Variants in LRRTM3 observed in about 807,000 individuals in gnomAD.
LRRTM3 encodes the protein leucine-rich repeat transmembrane neuronal protein 3.
A neutral mutation model predicts 44.7 loss-of-function variants in LRRTM3; 24 were observed. The observed-to-expected ratio is 0.54, with a 90% CI of 0.39 to 0.76. LRRTM3 has a LOEUF of 0.76. LRRTM3 is among the 30% of genes least tolerant of loss of function. The probability of loss-of-function intolerance (pLI) is 0.00; values close to 1 mark genes in which losing one functional copy is unlikely to be tolerated. For synonymous variants in LRRTM3, 277 were observed against 278.7 expected (o/e 0.99, Z 0.06); for missense variants, 587 against 702.2 (o/e 0.84, Z 1.85).
At position 67,099,855 on chromosome 10, in the gene LRRTM3, T is replaced by C. The variant is rs1169201772; in HGVS notation, c.*2059T>C. 1 of 151,810 alleles carries C rather than the reference T, an allele frequency of 6.6e-6. No individual in the cohort carries two copies. The highest frequency in any genetic ancestry group is 6.6e-5 in the Admixed American group (1 of 15,190). 9.4% of individuals were successfully genotyped at this position (151,810 alleles called of 1,614,324 possible). ...ATTTCCTTGCAATGTATTATTCTTA[T>C]TCTTAATTCTCTACATTGAAATTTG... On this transcript the variant is annotated 3_prime_UTR_variant, in exon 3 of 3. Transcript: ENST00000361320.
chr10:67,060,561 T>C (rs932063915), intron 2 of LRRTM3, among the ~76,000 whole-genome samples: 2 of 152,184 alleles, frequency 1.3e-5, no homozygotes, highest in African/African-American at 4.8e-5. Context: ...GATAACACAT[T>C]CTAGTTCATG....
intron 2 of LRRTM3, among the ~76,000 whole-genome samples, chr10:67,022,333 C>G (rs1564837339): frequency 6.6e-6 from 1 of 151,400 alleles, no homozygotes; most frequent in Non-Finnish European, 1.5e-5. Context: ...ACACATGCCT[C>G]TGTGTGTGTG....
chr10:66,939,379 T>C (rs1377703017), intron 2 of LRRTM3, among the ~76,000 whole-genome samples: 2 of 152,122 alleles, frequency 1.3e-5, no homozygotes, highest in Non-Finnish European at 2.9e-5. Context: ...TCCATACAAC[T>C]TGGATATATG....
chr10:66,998,643 A>G (rs1294011286), intron 2 of LRRTM3, among the ~76,000 whole-genome samples: 1 of 152,216 alleles, frequency 6.6e-6, no homozygotes, highest in African/African-American at 2.4e-5. Flanking sequence ...ACAATAAAGA[A>G]GGAATCAGCA....
intron 2 of LRRTM3, among the ~76,000 whole-genome samples, chr10:67,027,324 C>G (rs2133096214): frequency 2.0e-5 from 3 of 152,164 alleles, no homozygotes; most frequent in Admixed American, 2.0e-4. Flanking sequence ...ATCTGACATT[C>G]AACTGACATT....
intron 2 of LRRTM3, among the ~76,000 whole-genome samples, chr10:67,037,738 G>A (rs1479129618): frequency 6.6e-6 from 1 of 152,170 alleles, no homozygotes; most frequent in African/African-American, 2.4e-5. Flanking sequence ...GGTGTGAGAG[G>A]AGGAGGAATC....
rs1858178028 is a variant in LRRTM3, at chr10:67,099,043, A to T, written c.*1247A>T. The stretch of plus-strand genomic sequence containing the variant: ...ATGAGCCATGGTGGAGAACTTTATC[A>T]CTCAAGTAGACGGTAAACATCCTTA... On this transcript the variant is annotated 3_prime_UTR_variant, in exon 3 of 3. Transcript: ENST00000361320. 6.6e-6 allele frequency: 1 copy of T among 151,834 alleles called. No individual in the cohort carries two copies. The highest frequency in any genetic ancestry group is 2.4e-5 in the African/African-American group (1 of 41,398). The allele number at this position is 151,834 out of a possible 1,614,324, so 9.4% of individuals were successfully genotyped here.
At chr10:67,006,715 A>G (rs537226376) in intron 2 of LRRTM3, among the ~76,000 whole-genome samples, 10 of 152,310 alleles carry the variant, frequency 6.6e-5, no homozygotes, top group Middle Eastern at 3.4e-3. Context: ...TAATGGTGAA[A>G]TATTTAAAAT....
At chr10:67,020,420 G>A (rs984899175) in intron 2 of LRRTM3, among the ~76,000 whole-genome samples, 1 of 152,108 alleles carries the variant, frequency 6.6e-6, no homozygotes, top group African/African-American at 2.4e-5. Context: ...GATGGCAGCA[G>A]GGATATTGTA....
In LRRTM3 at chr10:67,101,168, A is replaced by G. The variant is rs1858314865; in HGVS notation, c.*3372A>G. Among the ~76,000 whole-genome samples the G allele has an allele frequency of 1.3e-5, 2 of 151,724 alleles. No homozygotes were observed. The highest frequency in any genetic ancestry group is 4.1e-4 in the South Asian group (2 of 4,834). On this transcript the variant is annotated 3_prime_UTR_variant, in exon 3 of 3. Coordinates refer to ENST00000361320, the MANE Select transcript of LRRTM3 (RefSeq NM_178011.5). ...CAGAACAGATGCTCCCAAGATGTGG[A>G]TGCATGTAGGCCCCGAGGTACAGAC...
intron 2 of LRRTM3, among the ~76,000 whole-genome samples, chr10:67,096,971 T>C (rs1858028833): frequency 6.6e-6 from 1 of 151,946 alleles, no homozygotes; most frequent in African/African-American, 2.4e-5. Flanking sequence ...TGGGTAAGAA[T>C]AGCCAGAATG....
intron 2 of LRRTM3, among the ~76,000 whole-genome samples, chr10:67,089,306 AG>A (rs749591960): frequency 1.3e-5 from 2 of 152,102 alleles, no homozygotes; most frequent in Non-Finnish European, 2.9e-5. Context: ...TTCAAATGTT[AG>A]GTGTTTAAAT....
At chr10:67,018,074 T>G (rs964686630) in intron 2 of LRRTM3, among the ~76,000 whole-genome samples, 62 of 152,238 alleles carry the variant, frequency 4.1e-4, no homozygotes, top group Non-Finnish European at 7.4e-4. Context: ...GCCTGGCCTG[T>G]GGATATATAT....
intron 2 of LRRTM3, among the ~76,000 whole-genome samples, chr10:67,079,956 G>A (rs2619656): frequency 0.55 from 83,190 of 151,292 alleles, 24,087 homozygotes; most frequent in African/African-American, 0.74. Flanking sequence ...GTCAAGAGAG[G>A]AGTAAAATAA....
chr10:66,965,232 GTTTT>G (rs869055555), intron 2 of LRRTM3, among the ~76,000 whole-genome samples: 1 of 150,716 alleles, frequency 6.6e-6, no homozygotes, highest in South Asian at 2.1e-4. Flanking sequence ...TTTTTTTGGG[GTTTT>G]TTTGTTTGTT....
At chr10:66,967,015 A>G (rs1374554487) in intron 2 of LRRTM3, among the ~76,000 whole-genome samples, 4 of 152,094 alleles carry the variant, frequency 2.6e-5, no homozygotes, top group African/African-American at 9.7e-5. Context: ...TTCTTAAAAT[A>G]TAAGTTCATA....
chr10:66,997,182 A>G (rs1383413015), intron 2 of LRRTM3, among the ~76,000 whole-genome samples: 2 of 152,134 alleles, frequency 1.3e-5, no homozygotes, highest in African/African-American at 4.8e-5. Flanking sequence ...AACCCTTTGT[A>G]TTATTTCAGC....
At chr10:67,002,278 G>A (rs75180869) in intron 2 of LRRTM3, among the ~76,000 whole-genome samples, 12,799 of 151,974 alleles carry the variant, frequency 0.084, 764 homozygotes, top group South Asian at 0.27. Context: ...AACTGCCCTC[G>A]CCTTTGCCAA....
At position 67,097,691 on chromosome 10, in the gene LRRTM3, G is replaced by T. The variant is rs544274000; in HGVS notation, c.1641G>T (p.Thr547=). Residue 547 remains threonine, a synonymous_variant, in exon 3 of 3, where the codon ACG becomes ACT. Transcript: ENST00000361320. The part of the protein sequence containing the change: ...HELLSHKSFE[T]NAQEDTMETH... ...TTCTCTCCCATAAGTCCTTTGAAACGAATGCACAGGAAGATACGATGGAAA... is the reference window on the plus strand; with the variant it reads ...TTCTCTCCCATAAGTCCTTTGAAACTAATGCACAGGAAGATACGATGGAAA... The T allele has an allele frequency of 6.2e-7, 1 of 1,612,624 alleles. No individual in the cohort carries two copies. The highest frequency in any genetic ancestry group is 2.2e-5 in the East Asian group (1 of 44,840).
Sources: allele counts gnomAD v4.1 joint callset (sites outside exome capture counted in the v4.1 genomes callset), GRCh38; gene constraint gnomAD v4.1.1; transcripts MANE v1.5; gene names NCBI Gene and HGNC (gene_info 2026-07-23, HGNC 2026-07-21).